The following DPP10 variants were observed in gnomAD, a reference collection of about 807,000 sequenced individuals.
DPP10 encodes the protein inactive dipeptidyl peptidase 10.
A neutral mutation model predicts 120.9 loss-of-function variants in DPP10; 33 were observed. That is an observed-to-expected ratio of 0.27 (90% CI 0.21 to 0.37). The LOEUF is 0.37. DPP10 is among the 10% of genes least tolerant of loss of function. The pLI is 1.00. For synonymous variants in DPP10, 337 were observed against 326.1 expected, an observed-to-expected ratio of 1.03 and a Z score of -0.36; for missense variants, 816 against 942.8, an observed-to-expected ratio of 0.87 and a Z score of 1.76.
At chr2:115,670,230 A>C (rs1325633977) in intron 5 of DPP10, among the ~76,000 whole-genome samples, 1 of 152,122 alleles carries the variant, frequency 6.6e-6, no homozygotes, top group East Asian at 1.9e-4. Context: ...TCCAAATATC[A>C]TCACATTGGG....
chr2:114,964,921 C>T (rs1366542854), intron 1 of DPP10, among the ~76,000 whole-genome samples: 2 of 152,146 alleles, frequency 1.3e-5, no homozygotes, highest in African/African-American at 4.8e-5. Flanking sequence ...AGAGTGGTAG[C>T]AGTGGAACTG....
At chr2:114,461,418 A>C (rs1254989566) in intron 1 of DPP10, among the ~76,000 whole-genome samples, 1 of 152,210 alleles carries the variant, frequency 6.6e-6, no homozygotes, top group African/African-American at 2.4e-5. Flanking sequence ...TTGGTTCACC[A>C]GGAGAGAACA....
chr2:114,988,336 ATTT>A (rs1700552025), intron 1 of DPP10, among the ~76,000 whole-genome samples: 1 of 152,250 alleles, frequency 6.6e-6, no homozygotes, highest in Admixed American at 6.5e-5. Context: ...TCAAATGATC[ATTT>A]TGTAAATAAT....
chr2:115,114,216 C>G (rs1251785791), intron 1 of DPP10, among the ~76,000 whole-genome samples: 1 of 152,162 alleles, frequency 6.6e-6, no homozygotes, highest in Non-Finnish European at 1.5e-5. Flanking sequence ...TCTCTTTGTT[C>G]TTTGGACCTC....
At chr2:114,669,483 C>T (rs950867099) in intron 1 of DPP10, among the ~76,000 whole-genome samples, 2 of 152,152 alleles carry the variant, frequency 1.3e-5, no homozygotes, top group Admixed American at 6.6e-5. Flanking sequence ...GAAGGAGTTA[C>T]GTCTTTCTGT....
At chr2:114,982,697 C>A (rs1052097767) in intron 1 of DPP10, among the ~76,000 whole-genome samples, 2 of 151,660 alleles carry the variant, frequency 1.3e-5, no homozygotes, top group Non-Finnish European at 2.9e-5. Context: ...ACGTCCCAGG[C>A]TCAATCCATC....
intron 1 of DPP10, among the ~76,000 whole-genome samples, chr2:114,639,530 A>C (rs1478811743): frequency 6.6e-6 from 1 of 151,872 alleles, no homozygotes; most frequent in African/African-American, 2.4e-5. Context: ...ACATGGGTTG[A>C]AAAACTACTT....
chr2:115,186,324 C>T (rs143909881), intron 1 of DPP10, among the ~76,000 whole-genome samples: 5 of 152,280 alleles, frequency 3.3e-5, no homozygotes, highest in Non-Finnish European at 4.4e-5. Context: ...ATAGACTGAA[C>T]ATTATACACC....
At chr2:114,732,731 C>A (rs1225129035) in intron 1 of DPP10, among the ~76,000 whole-genome samples, 1 of 152,086 alleles carries the variant, frequency 6.6e-6, no homozygotes, top group Non-Finnish European at 1.5e-5. Flanking sequence ...ATTTGTTTTT[C>A]AATATAGATG....
At chr2:115,276,587 C>T (rs2059930008) in intron 1 of DPP10, among the ~76,000 whole-genome samples, 1 of 152,192 alleles carries the variant, frequency 6.6e-6, no homozygotes, top group Non-Finnish European at 1.5e-5. Flanking sequence ...GGTGACATTA[C>T]TCCAGGGGAA....
intron 1 of DPP10, among the ~76,000 whole-genome samples, chr2:114,885,770 T>G (rs961892491): frequency 6.6e-6 from 1 of 152,222 alleles, no homozygotes; most frequent in African/African-American, 2.4e-5. Context: ...CAGTGAAGAC[T>G]GTAGAATATT....
intron 1 of DPP10, among the ~76,000 whole-genome samples, chr2:114,824,433 G>A (rs546080650): frequency 5.3e-5 from 8 of 152,116 alleles, no homozygotes; most frequent in South Asian, 2.1e-4. Flanking sequence ...ATGAGGGTTC[G>A]TTTTTGGCAA....
chr2:115,114,337 A>T (rs1235193083), intron 1 of DPP10, among the ~76,000 whole-genome samples: 1 of 152,234 alleles, frequency 6.6e-6, no homozygotes, highest in Non-Finnish European at 1.5e-5. Flanking sequence ...TTGAAAAGAC[A>T]TAGAAAAAGA....
chr2:114,528,038 T>G (rs1685649813), intron 1 of DPP10, among the ~76,000 whole-genome samples: 1 of 151,948 alleles, frequency 6.6e-6, no homozygotes, highest in Non-Finnish European at 1.5e-5. Flanking sequence ...GAGAGTGGAG[T>G]GTCAATGCAA....
intron 3 of DPP10, among the ~76,000 whole-genome samples, chr2:115,407,165 C>G (rs961653820): frequency 6.6e-6 from 1 of 152,166 alleles, no homozygotes; most frequent in Non-Finnish European, 1.5e-5. Context: ...AGCCTCTACC[C>G]TGTCTCTGCA....
At chr2:115,300,226 T>G (rs887258027) in intron 1 of DPP10, among the ~76,000 whole-genome samples, 2 of 152,070 alleles carry the variant, frequency 1.3e-5, no homozygotes, top group African/African-American at 4.8e-5. Flanking sequence ...TAACTTCCCA[T>G]TTTTTCCTCT....
chr2:115,508,648 T>TA (rs2077072767), intron 4 of DPP10, among the ~76,000 whole-genome samples: 1 of 152,210 alleles, frequency 6.6e-6, no homozygotes. Context: ...CTCACGCCTG[T>TA]AATCCCAGCA....
chr2:115,368,490 C>T (rs1451811594), intron 3 of DPP10, among the ~76,000 whole-genome samples: 1 of 151,788 alleles, frequency 6.6e-6, no homozygotes, highest in Non-Finnish European at 1.5e-5. Flanking sequence ...TCATCTTTTC[C>T]CAATGTATTA....
chr2:115,182,181 C>T (rs2105151942), intron 1 of DPP10, among the ~76,000 whole-genome samples: 2 of 152,248 alleles, frequency 1.3e-5, no homozygotes, highest in South Asian at 4.2e-4. Context: ...CTTTTCGCTT[C>T]AGGGAAATTA....
Sources: allele counts gnomAD v4.1 joint callset (sites outside exome capture counted in the v4.1 genomes callset), GRCh38; gene constraint gnomAD v4.1.1; transcripts MANE v1.5; gene names NCBI Gene and HGNC (gene_info 2026-07-23, HGNC 2026-07-21).